SOAT1: variants seen among roughly 807,000 people sequenced by gnomAD.
The protein encoded by SOAT1 is acyl-coenzyme A:cholesterol acyltransferase 1.
SOAT1 carries 55 observed loss-of-function variants against 69.5 expected under a neutral mutation model. That is an observed-to-expected ratio of 0.79 (90% CI 0.64 to 0.99). SOAT1 has a LOEUF of 0.99. SOAT1 is among the 50% of genes least tolerant of loss of function. The pLI is 0.00. For synonymous variants in SOAT1, 231 were observed against 224.7 expected, an observed-to-expected ratio of 1.03 and a Z score of -0.25; for missense variants, 580 against 669.3, an observed-to-expected ratio of 0.87 and a Z score of 1.47.
chr1:179,326,550 CTTTTTTTTTTTTTTTT>C (rs10568516), intron 3 of SOAT1, among the ~76,000 whole-genome samples: 3 of 106,254 alleles, frequency 2.8e-5, no homozygotes, highest in African/African-American at 1.2e-4. Flanking sequence ...AATTTCTTTT[CTTTTTTTTTTTTTTTT>C]TTTTTTTTTG....
Position 179,353,683 on chromosome 1 carries a change from A to G in SOAT1, c.*42A>G, listed in dbSNP as rs538195087. On this transcript the variant is annotated 3_prime_UTR_variant, in exon 16 of 16. Transcript: ENST00000367619. ...TCCTCCTTGTCACTGAAGATTGGGT[A>G]GCTCCCTGATTTGGAGCCAGCTGTT... The G allele has an allele frequency of 4.6e-6, 7 of 1,521,998 alleles. No individual in the cohort carries two copies. In the African/African-American group the frequency reaches 8.2e-5, roughly 18 times the overall value. 94.3% of individuals were successfully genotyped at this position (1,521,998 alleles called of 1,614,324 possible).
At chr1:179,311,609 A>G (rs1665225077) in intron 2 of SOAT1, among the ~76,000 whole-genome samples, 1 of 152,066 alleles carries the variant, frequency 6.6e-6, no homozygotes, top group South Asian at 2.1e-4. Context: ...AATTTCAGTT[A>G]TTTTGCCATT....
chr1:179,344,929 G>A lies in SOAT1; in HGVS notation c.988-18G>A, dbSNP rs1380058170. ...ATTAAGCCATCGTTATTATAATTCT[G>A]TCTCTGTTATGTTCCAGGTCTTTGG... On this transcript the variant is annotated intron_variant, in intron 10 of 15. Coordinates refer to ENST00000367619, the MANE Select transcript of SOAT1 (RefSeq NM_003101.6). The A allele has an allele frequency of 1.9e-6, 3 of 1,613,196 alleles. No individual in the cohort carries two copies. Among genetic ancestry groups the A allele is most frequent in the Admixed American group, 1.7e-5 (1 of 59,816 alleles).
chr1:179,310,072 G>A (rs1164391290), intron 2 of SOAT1, among the ~76,000 whole-genome samples: 1 of 151,790 alleles, frequency 6.6e-6, no homozygotes, highest in Non-Finnish European at 1.5e-5. Flanking sequence ...GCTAATTTTT[G>A]TATTTTTAGT....
chr1:179,306,708 A>T (rs1665016441), intron 2 of SOAT1, among the ~76,000 whole-genome samples: 1 of 151,636 alleles, frequency 6.6e-6, no homozygotes, highest in South Asian at 2.1e-4. Context: ...GGTGGGCACC[A>T]GTAGTCCCAG....
At chr1:179,353,211 A>ATATATATATAAATATATT (rs57930073) in intron 15 of SOAT1, among the ~76,000 whole-genome samples, 2 of 64,522 alleles carry the variant, frequency 3.1e-5, no homozygotes, top group African/African-American at 1.1e-4. Context: ...ATATATAAAT[A>ATATATATATAAATATATT]TATATATATA....
chr1:179,306,410 A>G (rs1194033923), intron 2 of SOAT1, among the ~76,000 whole-genome samples: 1 of 152,164 alleles, frequency 6.6e-6, no homozygotes, highest in Non-Finnish European at 1.5e-5. Context: ...AGTAATTGGT[A>G]TACATTTGGT....
At chr1:179,320,391 A>G (rs1022554899) in intron 2 of SOAT1, among the ~76,000 whole-genome samples, 42 of 151,918 alleles carry the variant, frequency 2.8e-4, no homozygotes, top group African/African-American at 9.6e-4. Context: ...TACATTGATC[A>G]TCTATGTGTC....
rs1666415946 is a variant in SOAT1, at chr1:179,343,527, G to A, written c.942-63G>A. On this transcript the variant is annotated intron_variant, in intron 9 of 15. Coordinates refer to ENST00000367619, the MANE Select transcript of SOAT1 (RefSeq NM_003101.6). Reference sequence around the variant, plus strand: ...CCTGACCAAAAAACATTAATTGTGAGGGTCTTTATTCAAGTTCAATTACTT... The same window carrying A: ...CCTGACCAAAAAACATTAATTGTGAAGGTCTTTATTCAAGTTCAATTACTT... 6 of 1,410,836 alleles carry A rather than the reference G, an allele frequency of 4.3e-6. No individual in the cohort carries two copies. In the South Asian group the frequency reaches 7.3e-5, roughly 17 times the overall value. The allele number at this position is 1,410,836 out of a possible 1,614,324, so 87.4% of individuals were successfully genotyped here.
At chr1:179,309,361 CG>C (rs1665141355) in intron 2 of SOAT1, among the ~76,000 whole-genome samples, 1 of 152,104 alleles carries the variant, frequency 6.6e-6, no homozygotes, top group African/African-American at 2.4e-5. Context: ...GGATTACAGG[CG>C]TGAGCCACTG....
intron 13 of SOAT1, among the ~76,000 whole-genome samples, chr1:179,349,587 A>G (rs1357024126): frequency 1.3e-5 from 2 of 152,100 alleles, no homozygotes; most frequent in Non-Finnish European, 2.9e-5. Context: ...TCAGCCTCCC[A>G]AAGTGCTGGG....
intron 2 of SOAT1, among the ~76,000 whole-genome samples, chr1:179,308,829 TG>T (rs924104404): frequency 3.3e-5 from 5 of 152,230 alleles, no homozygotes; most frequent in African/African-American, 1.2e-4. Flanking sequence ...TTTTTACATG[TG>T]GGATCATATT....
intron 2 of SOAT1, among the ~76,000 whole-genome samples, chr1:179,322,000 G>C (rs1183137143): frequency 6.6e-6 from 1 of 151,678 alleles, no homozygotes; most frequent in Non-Finnish European, 1.5e-5. Context: ...TCTCACCTCA[G>C]CCTCCCAGGT....
chr1:179,311,523 A>G (rs1665219886), intron 2 of SOAT1, among the ~76,000 whole-genome samples: 1 of 152,184 alleles, frequency 6.6e-6, no homozygotes, highest in African/African-American at 2.4e-5. Context: ...ATTTTATATT[A>G]GAAGGAAAAG....
At position 179,341,241 on chromosome 1, in the gene SOAT1, T is replaced by C; in HGVS notation, c.711T>C (p.Phe237=). Residue 237 remains phenylalanine (F), a synonymous_variant, in exon 7 of 16, where the codon TTT becomes TTC. Coordinates refer to ENST00000367619, the MANE Select transcript of SOAT1 (RefSeq NM_003101.6). ...TCTTCCAGATTGGAGTTCTAGGTTT[T>C]GGACCAACATATGTTGTGTTAGCAT... The part of the protein sequence containing the change: ...FMIFQIGVLG[F]GPTYVVLAYT... 1 of 1,614,192 alleles carries C rather than the reference T, an allele frequency of 6.2e-7. No individual in the cohort carries two copies. Among genetic ancestry groups the C allele is most frequent in the South Asian group, 1.1e-5 (1 of 91,088 alleles).
Position 179,336,352 on chromosome 1 carries a change from T to G in SOAT1, c.329+695T>G, listed in dbSNP as rs563186818. On this transcript the variant is annotated intron_variant, in intron 4 of 15. Transcript: ENST00000367619. ...GTCGTGCACGCCTGTCGTCCGCCTG[T>G]CGTCCCAGCTGCTCAGGAGACTGAG... Among the ~76,000 whole-genome samples the G allele has an allele frequency of 6.0e-5, 9 of 151,224 alleles. No individual in the cohort carries two copies. In the East Asian group the frequency reaches 1.8e-3, roughly 30 times the overall value.
chr1:179,311,593 T>C (rs1298302202), intron 2 of SOAT1, among the ~76,000 whole-genome samples: 3 of 110,936 alleles, frequency 2.7e-5, no homozygotes, highest in Non-Finnish European at 6.1e-5. Context: ...AAAAAAATCG[T>C]TTCTAAATTT....
intron 2 of SOAT1, among the ~76,000 whole-genome samples, chr1:179,314,962 T>C (rs1387029827): frequency 6.6e-6 from 1 of 152,150 alleles, no homozygotes; most frequent in Non-Finnish European, 1.5e-5. Context: ...CCTTATGGAC[T>C]TATGCGGGGT....
chr1:179,323,426 T>C lies in SOAT1; in HGVS notation c.119-11T>C, dbSNP rs1033815922. ...CATCAACTTAAAAGTCATGTTTTTT[T>C]CTTCCCGTAGGTCGAATTGACATAA... On this transcript the variant is annotated splice_polypyrimidine_tract_variant and intron_variant, in intron 2 of 15. Transcript: ENST00000367619. 2 of 1,613,032 alleles carry C rather than the reference T, an allele frequency of 1.2e-6. No individual in the cohort carries two copies. Among genetic ancestry groups the C allele is most frequent in the African/African-American group, 2.7e-5 (2 of 75,042 alleles).
Sources: allele counts gnomAD v4.1 joint callset (sites outside exome capture counted in the v4.1 genomes callset), GRCh38; gene constraint gnomAD v4.1.1; transcripts MANE v1.5; gene names NCBI Gene and HGNC (gene_info 2026-07-23, HGNC 2026-07-21).